Variants in ADGB observed in about 807,000 individuals in gnomAD.
ADGB encodes the protein calpain-7-like protein.
ADGB carries 172 observed loss-of-function variants against 210.5 expected under a neutral mutation model. The observed-to-expected ratio is 0.82, with a 90% confidence interval of 0.72 to 0.93. The LOEUF (loss-of-function observed/expected upper bound fraction) is 0.93. Among genes scored for constraint, ADGB ranks in the 40% least tolerant of loss-of-function variants. The pLI, the probability that ADGB is intolerant of heterozygous loss-of-function variation, is 0.00. For missense variants in ADGB, 2,025 were observed against 1,964.8 expected (o/e 1.03, Z -0.58); for synonymous variants, 658 against 662.7 (o/e 0.99, Z 0.11).
chr6:146,606,786 CT>C (rs1432967754), intron 1 of ADGB, among the ~76,000 whole-genome samples: 1 of 152,152 alleles, frequency 6.6e-6, no homozygotes, highest in Non-Finnish European at 1.5e-5. Context: ...CAGTATCATG[CT>C]GCTTCGGTCA....
chr6:146,784,528 C>A, intron 30 of ADGB, 90 bp from the exon 31 acceptor site: 1 of 996,708 alleles, frequency 1.0e-6, no homozygotes, highest in South Asian at 2.4e-5. Context: ...TAGTAAATAC[C>A]TAATAGTGAA....
intron 13 of ADGB, among the ~76,000 whole-genome samples, chr6:146,709,981 CTTCCATATGA>C (rs1267891683): frequency 1.3e-5 from 2 of 151,966 alleles, no homozygotes; most frequent in African/African-American, 4.8e-5. Flanking sequence ...AAGTCTTGTT[CTTCCATATGA>C]CTGCTAAGAG....
At chr6:146,778,069 C>G (rs191876525) in intron 29 of ADGB, among the ~76,000 whole-genome samples, 11 of 152,158 alleles carry the variant, frequency 7.2e-5, no homozygotes. Context: ...GTGAAAATAA[C>G]GAGTTATTCT....
chr6:146,769,002 C>T lies in ADGB; in HGVS notation c.3751-18C>T, dbSNP rs771023533. Reference sequence around the variant, plus strand: ...TGTATGTTCTTATCATTTTTAAACACTGCATTTTATTTCACAGAATTACAA... The same window carrying T: ...TGTATGTTCTTATCATTTTTAAACATTGCATTTTATTTCACAGAATTACAA... On this transcript the variant is annotated intron_variant, in intron 28 of 35. Coordinates refer to ENST00000397944, the MANE Select transcript of ADGB (RefSeq NM_024694.4). 26 of 1,332,762 alleles carry T rather than the reference C, an allele frequency of 2.0e-5. No individual in the cohort carries two copies. The highest frequency in any genetic ancestry group is 2.5e-5 in the Non-Finnish European group (24 of 968,052). The allele number at this position is 1,332,762 out of a possible 1,614,324, so 82.6% of individuals were successfully genotyped here. A position where few individuals can be genotyped will look rare whatever the true frequency, so the allele number is the denominator to read the frequency against.
In ADGB at chr6:146,599,008, C is replaced by T. The variant is rs767383876; in HGVS notation, c.-33C>T. The T allele has an allele frequency of 3.3e-6, 5 of 1,537,538 alleles. No individual in the cohort carries two copies. In the South Asian group the frequency reaches 4.8e-5, roughly 15 times the overall value. On this transcript the variant is annotated 5_prime_UTR_variant, in exon 1 of 36. Transcript: ENST00000397944. ...CGAGCGCGCCCGCAGGCTCTTTGCT[C>T]AGAGCTCAGCCCTACATAGATCGGC...
At chr6:146,636,475 C>T (rs1171878839) in intron 2 of ADGB, among the ~76,000 whole-genome samples, 4 of 151,998 alleles carry the variant, frequency 2.6e-5, no homozygotes, top group Non-Finnish European at 2.9e-5. Context: ...ATTCTTTGTA[C>T]CACATCTAAA....
chr6:146,691,188 A>G lies in ADGB; in HGVS notation c.1384A>G (p.Ser462Gly). The G allele has an allele frequency of 6.5e-7, 1 of 1,549,890 alleles. No individual in the cohort carries two copies. The highest frequency in any genetic ancestry group is 8.7e-7 in the Non-Finnish European group (1 of 1,146,388). ...TAGCCATCCTGTGCTGGTGACTAGA[A>G]GTAGGTCTTGTCCTCTGGTAGCACC... Reference protein sequence around the residue: ...ICSHPVLVTRSRSCPLVAPPK... With the variant: ...ICSHPVLVTRGRSCPLVAPPK... Residue 462 changes from serine to glycine, a missense_variant, in exon 11 of 36, where the codon AGT becomes GGT. Physicochemically the swap from Ser to Gly is moderately conservative, Grantham distance 56. Transcript: ENST00000397944.
intron 33 of ADGB, among the ~76,000 whole-genome samples, chr6:146,795,887 A>C (rs1562303325): frequency 6.6e-6 from 1 of 152,164 alleles, no homozygotes; most frequent in Non-Finnish European, 1.5e-5. Flanking sequence ...AATGTGGTAC[A>C]TATGCACCAT....
At chr6:146,794,102 G>A (rs1250379726) in intron 33 of ADGB, among the ~76,000 whole-genome samples, 1 of 152,156 alleles carries the variant, frequency 6.6e-6, no homozygotes, top group Non-Finnish European at 1.5e-5. Flanking sequence ...ACAGATTTGA[G>A]CTTTGAGGGG....
At chr6:146,799,002 C>T (rs1211092598) in intron 33 of ADGB, among the ~76,000 whole-genome samples, 1 of 126,678 alleles carries the variant, frequency 7.9e-6, no homozygotes, top group Non-Finnish European at 1.6e-5. Context: ...CTATCAAAAT[C>T]ACAGTAGACA....
At chr6:146,751,463 T>C (rs867931363) in intron 26 of ADGB, among the ~76,000 whole-genome samples, 4 of 152,106 alleles carry the variant, frequency 2.6e-5, no homozygotes, top group Admixed American at 6.6e-5. Context: ...ATCTTTATAA[T>C]AGAATGATTT....
At chr6:146,642,431 A>G (rs550471799) in intron 2 of ADGB, among the ~76,000 whole-genome samples, 5 of 152,156 alleles carry the variant, frequency 3.3e-5, no homozygotes, top group African/African-American at 1.2e-4. Context: ...AGACACATGC[A>G]TGCGAGTGTT....
intron 20 of ADGB, 39 bp downstream of exon 20, chr6:146,728,780 T>G: frequency 6.9e-7 from 1 of 1,447,462 alleles, no homozygotes; most frequent in South Asian, 1.5e-5. Flanking sequence ...AAGAGGAAAC[T>G]TTCTTTTCAA....
intron 1 of ADGB, among the ~76,000 whole-genome samples, chr6:146,627,422 G>A (rs544945568): frequency 2.0e-5 from 3 of 152,114 alleles, no homozygotes; most frequent in Admixed American, 1.3e-4. Flanking sequence ...GCTAGGGTAC[G>A]TTTAGTTGCT....
intron 29 of ADGB, among the ~76,000 whole-genome samples, chr6:146,773,417 A>G (rs765173043): frequency 6.6e-6 from 1 of 152,182 alleles, no homozygotes; most frequent in Non-Finnish European, 1.5e-5. Flanking sequence ...GAAGTTTTAA[A>G]TGAGCACATA....
At chr6:146,649,515 C>T (rs1211365841) in intron 3 of ADGB, among the ~76,000 whole-genome samples, 2 of 147,266 alleles carry the variant, frequency 1.4e-5, no homozygotes, top group African/African-American at 5.1e-5. Context: ...TTTTTTGAGA[C>T]AGGGTTTCAC....
chr6:146,796,117 A>ACTT (rs1778036915), intron 33 of ADGB, among the ~76,000 whole-genome samples: 1 of 152,274 alleles, frequency 6.6e-6, no homozygotes, highest in African/African-American at 2.4e-5. Context: ...AAGAAAAAAA[A>ACTT]CTTAGGAATT....
intron 35 of ADGB, chr6:146,803,352 C>T (rs1315379438): frequency 5.6e-6 from 9 of 1,606,144 alleles, no homozygotes; most frequent in Non-Finnish European, 3.4e-6. Flanking sequence ...CAAATATGTT[C>T]GACTGTCATG....
intron 3 of ADGB, among the ~76,000 whole-genome samples, chr6:146,651,688 G>A (rs1775704602): frequency 6.6e-6 from 1 of 152,086 alleles, no homozygotes; most frequent in Non-Finnish European, 1.5e-5. Context: ...CTCCACTTAA[G>A]CAGGAGAATT....
Sources: allele counts gnomAD v4.1 joint callset (sites outside exome capture counted in the v4.1 genomes callset), GRCh38; gene constraint gnomAD v4.1.1; transcripts MANE v1.5; gene names NCBI Gene and HGNC (gene_info 2026-07-23, HGNC 2026-07-21).